NT5C3A: variants seen among roughly 807,000 people sequenced by gnomAD.
NT5C3A encodes cytosolic 5'-nucleotidase 3A.
In NT5C3A, 23 loss-of-function variants were observed where a neutral mutation model predicts 40.0. The ratio of observed to expected loss-of-function variants is 0.58; its 90% CI spans 0.41 to 0.81. The LOEUF (loss-of-function observed/expected upper bound fraction) is 0.81, where lower values mean the gene tolerates loss of function less well. NT5C3A is among the 40% of genes least tolerant of loss of function. The pLI is 0.00. For missense variants in NT5C3A, 328 were observed against 403.0 expected, an observed-to-expected ratio of 0.81 and a Z score of 1.59; for synonymous variants, 130 against 141.4, an observed-to-expected ratio of 0.92 and a Z score of 0.57.
At chr7:33,022,131 G>T (rs755134745) in intron 3 of NT5C3A, 32 bp from the exon 4 acceptor site, 10 of 1,132,730 alleles carry the variant, frequency 8.8e-6, no homozygotes, top group African/African-American at 1.5e-5. Context: ...AGCATTAAAA[G>T]AAATACTCTG....
chr7:33,017,885 T>C (rs1474485573), intron 6 of NT5C3A, among the ~76,000 whole-genome samples: 4 of 152,188 alleles, frequency 2.6e-5, no homozygotes, highest in Non-Finnish European at 4.4e-5. Context: ...ATTTATACCA[T>C]TTAAAAAGAA....
At position 33,014,793 on chromosome 7, in the gene NT5C3A, A is replaced by G. The variant is rs377662128; in HGVS notation, c.933T>C (p.Asp311=). ...ELLEKYMDSY[D]IVLVQDESLE... is the part of the protein sequence containing the mutation. The stretch of plus-strand genomic sequence containing the variant: ...ATGATTCATCTTGTACTAAAACAAT[A>G]TCATAAGAGTCCATGTACTTTTCTA... The change falls in exon 9 of 9, where the codon GAT becomes GAC. Residue 311 remains aspartate (D), a synonymous_variant. Transcript: ENST00000610140. The G allele has an allele frequency of 1.9e-5, 30 of 1,613,082 alleles. No individual in the cohort carries two copies. Among genetic ancestry groups the G allele is most frequent in the Non-Finnish European group, 2.5e-5 (30 of 1,179,740 alleles).
chr7:33,039,716 AAC>A (rs767926226), intron 1 of NT5C3A, among the ~76,000 whole-genome samples: 13 of 152,064 alleles, frequency 8.5e-5, no homozygotes, highest in South Asian at 2.1e-4. Context: ...GGGAAAAAGA[AAC>A]ACACACGCTG....
At chr7:33,062,398 G>A (rs1368982220) in intron 1 of NT5C3A, among the ~76,000 whole-genome samples, 170 bp downstream of exon 1, 1 of 152,198 alleles carries the variant, frequency 6.6e-6, no homozygotes, top group Non-Finnish European at 1.5e-5. Context: ...CACGCGGGGC[G>A]GCCGGGTCCC....
chr7:33,024,783 A>T (rs1464239933), intron 2 of NT5C3A, among the ~76,000 whole-genome samples: 1 of 152,220 alleles, frequency 6.6e-6, no homozygotes, highest in African/African-American at 2.4e-5. Flanking sequence ...CATTTTATAT[A>T]CATTTGAAAA....
intron 1 of NT5C3A, chr7:33,038,944 G>A (rs1419804562): frequency 2.2e-6 from 1 of 453,730 alleles, no homozygotes; most frequent in South Asian, 1.6e-5. Context: ...TTCAAAGGAA[G>A]TTTTAACATT....
intron 1 of NT5C3A, among the ~76,000 whole-genome samples, chr7:33,046,297 G>A (rs1274571726): frequency 2.0e-5 from 3 of 152,108 alleles, no homozygotes; most frequent in Non-Finnish European, 4.4e-5. Flanking sequence ...AGCACCTTGG[G>A]AAGTCGAGGT....
chr7:33,041,864 T>C (rs1786930364), intron 1 of NT5C3A, among the ~76,000 whole-genome samples: 1 of 152,174 alleles, frequency 6.6e-6, no homozygotes, highest in Non-Finnish European at 1.5e-5. Flanking sequence ...GGAACCTTTA[T>C]CATTAGGGAA....
chr7:33,026,007 G>A (rs1209827646), intron 2 of NT5C3A, among the ~76,000 whole-genome samples: 17 of 152,156 alleles, frequency 1.1e-4, no homozygotes, highest in African/African-American at 3.9e-4. Context: ...CCAACATGGC[G>A]AAACCCTGTC....
In NT5C3A at chr7:33,014,174, T is replaced by C. The variant is rs1008647440; in HGVS notation, c.*556A>G. The C allele has an allele frequency of 7.7e-5, 35 of 452,920 alleles. No individual in the cohort carries two copies. The highest frequency in any genetic ancestry group is 1.5e-4 in the Non-Finnish European group (33 of 226,210). The allele number at this position is 452,920 out of a possible 1,614,324, so 28.1% of individuals were successfully genotyped here. ...CATATTTATTATCAGTGCTTCAATA[T>C]AGAATGTTTTGTAATGATTAGCAAC... is the stretch of plus-strand genomic sequence containing the variant. On this transcript the variant is annotated 3_prime_UTR_variant, in exon 9 of 9. Coordinates refer to ENST00000610140, the MANE Select transcript of NT5C3A (RefSeq NM_001002010.5).
chr7:33,058,175 G>A (rs1787639777), intron 1 of NT5C3A, among the ~76,000 whole-genome samples: 1 of 152,098 alleles, frequency 6.6e-6, no homozygotes. Context: ...TGTAACATTT[G>A]AAAGAGGTGT....
chr7:33,052,019 G>A (rs1441264935), intron 1 of NT5C3A, among the ~76,000 whole-genome samples: 1 of 152,176 alleles, frequency 6.6e-6, no homozygotes. Flanking sequence ...ATCCTCCCAA[G>A]TCCACTGTCA....
intron 1 of NT5C3A, among the ~76,000 whole-genome samples, chr7:33,033,476 T>C (rs1786397281): frequency 6.6e-6 from 1 of 152,234 alleles, no homozygotes; most frequent in African/African-American, 2.4e-5. Context: ...AGACAGTGTG[T>C]GAAGCCGCTC....
chr7:33,016,369 G>C (rs1236451925), intron 7 of NT5C3A, among the ~76,000 whole-genome samples: 1 of 130,436 alleles, frequency 7.7e-6, no homozygotes, highest in East Asian at 2.3e-4. Context: ...GTGAGACTCT[G>C]TCTCAAAAAA....
intron 1 of NT5C3A, among the ~76,000 whole-genome samples, chr7:33,043,821 G>A (rs1437212026): frequency 1.3e-5 from 2 of 152,138 alleles, no homozygotes; most frequent in East Asian, 3.9e-4. Flanking sequence ...CCCTGGAAGA[G>A]GGACTAACAT....
intron 4 of NT5C3A, among the ~76,000 whole-genome samples, chr7:33,021,629 G>A (rs952535614): frequency 1.2e-4 from 19 of 152,118 alleles, no homozygotes; most frequent in Admixed American, 2.0e-4. Context: ...TTCATATAAA[G>A]GTATTAAATT....
At chr7:33,043,437 C>T (rs1329935890) in intron 1 of NT5C3A, among the ~76,000 whole-genome samples, 3 of 152,136 alleles carry the variant, frequency 2.0e-5, no homozygotes, top group Admixed American at 2.0e-4. Context: ...GAGTAGCACC[C>T]ATCATGTCCA....
intron 1 of NT5C3A, among the ~76,000 whole-genome samples, chr7:33,058,621 G>T (rs1397113430): frequency 6.6e-6 from 1 of 152,222 alleles, no homozygotes; most frequent in Admixed American, 6.5e-5. Context: ...AAAGTGCTGG[G>T]ATTACAGGCG....
intron 1 of NT5C3A, among the ~76,000 whole-genome samples, chr7:33,028,564 T>C (rs1006897944): frequency 5.9e-5 from 9 of 152,218 alleles, no homozygotes; most frequent in African/African-American, 2.2e-4. Context: ...TCTGGGTATG[T>C]TATTAGTAAT....
Sources: gnomAD v4.1 joint callset for allele counts (sites outside exome capture counted in the v4.1 genomes callset) on GRCh38, gnomAD v4.1.1 for gene constraint, MANE v1.5 for transcripts, NCBI Gene and HGNC (gene_info 2026-07-23, HGNC 2026-07-21) for gene names.